The following PCDH9 variants were observed in gnomAD, a reference collection of about 807,000 sequenced individuals.
PCDH9 encodes the protein protocadherin-9.
PCDH9 carries 24 observed loss-of-function variants against 70.6 expected under a neutral mutation model. The observed-to-expected ratio is 0.34, with a 90% CI of 0.25 to 0.48. PCDH9 has a LOEUF of 0.48. Ranked by LOEUF, PCDH9 falls within the 20% of genes least tolerant of loss-of-function variation. The probability of loss-of-function intolerance (pLI) is 0.99; values close to 1 mark genes in which losing one functional copy is unlikely to be tolerated. For synonymous variants in PCDH9, 562 were observed against 558.5 expected, an observed-to-expected ratio of 1.01 and a Z score of -0.09; for missense variants, 1,281 against 1,503.6, an observed-to-expected ratio of 0.85 and a Z score of 2.45.
At chr13:66,715,369 G>A (rs564955149) in intron 3 of PCDH9, among the ~76,000 whole-genome samples, 1 of 152,122 alleles carries the variant, frequency 6.6e-6, no homozygotes, top group Admixed American at 6.5e-5. Context: ...TTGTGTTTCG[G>A]TAATGCTAAT....
chr13:66,892,513 C>T (rs1289540157), intron 3 of PCDH9, among the ~76,000 whole-genome samples: 1 of 151,732 alleles, frequency 6.6e-6, no homozygotes, highest in African/African-American at 2.4e-5. Flanking sequence ...CATATCACAG[C>T]ATTTGGGCTT....
intron 4 of PCDH9, among the ~76,000 whole-genome samples, chr13:66,367,954 T>A (rs1956581089): frequency 6.6e-6 from 1 of 152,140 alleles, no homozygotes; most frequent in Admixed American, 6.6e-5. Context: ...CTTAGACATT[T>A]TCTAGAAATT....
chr13:67,143,154 C>G (rs765883379), intron 2 of PCDH9, among the ~76,000 whole-genome samples: 19 of 152,084 alleles, frequency 1.2e-4, no homozygotes, highest in Non-Finnish European at 8.8e-5. Flanking sequence ...TTAACTATAT[C>G]TAAATAAGAT....
intron 4 of PCDH9, among the ~76,000 whole-genome samples, chr13:66,506,820 T>C (rs1959222908): frequency 6.6e-6 from 1 of 152,236 alleles, no homozygotes; most frequent in African/African-American, 2.4e-5. Flanking sequence ...CACCTTTGCT[T>C]TAATAAATAA....
intron 4 of PCDH9, among the ~76,000 whole-genome samples, chr13:66,318,872 G>A (rs965665080): frequency 2.6e-5 from 4 of 151,880 alleles, no homozygotes; most frequent in Non-Finnish European, 1.5e-5. Flanking sequence ...CATCTTCTTG[G>A]CATAATAACT....
intron 4 of PCDH9, among the ~76,000 whole-genome samples, chr13:66,546,154 GT>G (rs1961188818): frequency 6.7e-6 from 1 of 149,786 alleles, no homozygotes; most frequent in Admixed American, 6.7e-5. Flanking sequence ...ATTTTTTAAA[GT>G]ATACTTCTTC....
intron 4 of PCDH9, among the ~76,000 whole-genome samples, chr13:66,553,466 G>A (rs1366371358): frequency 6.6e-6 from 1 of 152,146 alleles, no homozygotes; most frequent in East Asian, 1.9e-4. Flanking sequence ...AGTATGTCGA[G>A]TTGTTTTGAA....
In PCDH9 at chr13:66,880,228, G is replaced by A. The variant is rs549666176; in HGVS notation, c.3138+23276C>T. Reference sequence around the variant, plus strand: ...ATTCATAGTACTTACTATATAACTAGCACTTTGTTAGGAAGCTATGGTGAG... The same window carrying A: ...ATTCATAGTACTTACTATATAACTAACACTTTGTTAGGAAGCTATGGTGAG... On this transcript the variant is annotated intron_variant, in intron 3 of 4. Transcript: ENST00000377865. 3.3e-5 allele frequency: 5 copies of A among 152,246 alleles called. No individual in the cohort carries two copies. The South Asian group carries it at 1.0e-3, about 32-fold the overall frequency. The allele number at this position is 152,246 out of a possible 1,614,324, so 9.4% of individuals were successfully genotyped here. A position where few individuals can be genotyped will look rare whatever the true frequency, so the allele number is the denominator to read the frequency against.
chr13:66,497,304 G>A (rs1318702233), intron 4 of PCDH9, among the ~76,000 whole-genome samples: 10 of 151,780 alleles, frequency 6.6e-5, no homozygotes, highest in Admixed American at 5.9e-4. Context: ...AAACTTCTGA[G>A]CTCAAGCAAT....
At chr13:67,007,435 TTTTAATA>T (rs1170263157) in intron 2 of PCDH9, among the ~76,000 whole-genome samples, 7 of 152,114 alleles carry the variant, frequency 4.6e-5, no homozygotes, top group Admixed American at 6.6e-5. Context: ...TCTGAGGGGT[TTTTAATA>T]TTTAATTTTA....
At chr13:66,838,373 T>A (rs9540933) in intron 3 of PCDH9, among the ~76,000 whole-genome samples, 28,796 of 150,066 alleles carry the variant, frequency 0.19, 2,922 homozygotes, top group Middle Eastern at 0.28. Flanking sequence ...ATTCTTTTTT[T>A]AAAAAAAAAA....
intron 2 of PCDH9, among the ~76,000 whole-genome samples, chr13:67,077,745 T>C (rs187316263): frequency 6.6e-6 from 1 of 152,222 alleles, no homozygotes; most frequent in African/African-American, 2.4e-5. Flanking sequence ...GTCAATCTGT[T>C]TCCCTCACAT....
At chr13:67,031,603 A>G (rs1393735838) in intron 2 of PCDH9, among the ~76,000 whole-genome samples, 1 of 152,116 alleles carries the variant, frequency 6.6e-6, no homozygotes. Flanking sequence ...GAACTGCTTG[A>G]ACCTGGGAGA....
At chr13:66,478,727 A>G (rs1387248458) in intron 4 of PCDH9, among the ~76,000 whole-genome samples, 1 of 152,232 alleles carries the variant, frequency 6.6e-6, no homozygotes, top group Non-Finnish European at 1.5e-5. Context: ...CGCAAAAGAA[A>G]AATTTGAAGC....
At chr13:66,732,194 G>A (rs994931132) in intron 3 of PCDH9, among the ~76,000 whole-genome samples, 1 of 151,888 alleles carries the variant, frequency 6.6e-6, no homozygotes, top group African/African-American at 2.4e-5. Flanking sequence ...TTTGATACCT[G>A]TGTAAGATGT....
intron 2 of PCDH9, among the ~76,000 whole-genome samples, chr13:67,145,613 C>A (rs529636074): frequency 6.6e-6 from 1 of 151,892 alleles, no homozygotes; most frequent in South Asian, 2.1e-4. Context: ...AAAAACCCAT[C>A]TTTTGAAGTT....
intron 3 of PCDH9, among the ~76,000 whole-genome samples, chr13:66,760,489 T>C (rs1226528035): frequency 6.6e-6 from 1 of 152,144 alleles, no homozygotes; most frequent in Non-Finnish European, 1.5e-5. Context: ...TAATTTCCTA[T>C]GCCTGTCTTT....
intron 2 of PCDH9, among the ~76,000 whole-genome samples, chr13:67,144,513 C>T (rs942327767): frequency 2.0e-5 from 3 of 152,082 alleles, no homozygotes; most frequent in Non-Finnish European, 4.4e-5. Flanking sequence ...AAATAGCTAT[C>T]GTTCTGGGAA....
intron 4 of PCDH9, among the ~76,000 whole-genome samples, chr13:66,318,047 C>T (rs1176493020): frequency 6.6e-6 from 1 of 152,000 alleles, no homozygotes; most frequent in East Asian, 1.9e-4. Flanking sequence ...TTGAAAATGG[C>T]CTGTATAATA....
Sources: gnomAD v4.1 joint callset for allele counts (sites outside exome capture counted in the v4.1 genomes callset) on GRCh38, gnomAD v4.1.1 for gene constraint, MANE v1.5 for transcripts, NCBI Gene and HGNC (gene_info 2026-07-23, HGNC 2026-07-21) for gene names.